HDX: variants seen among roughly 807,000 people sequenced by gnomAD.
HDX encodes the protein chromosome X open reading frame 43.
A neutral mutation model predicts 45.2 loss-of-function variants in HDX; 19 were observed. The observed-to-expected ratio is 0.42, with a 90% CI of 0.29 to 0.62. The LOEUF (loss-of-function observed/expected upper bound fraction) is 0.62. HDX is among the 20% of genes least tolerant of loss of function. The probability of loss-of-function intolerance (pLI) is 0.20; values close to 1 mark genes in which losing one functional copy is unlikely to be tolerated. For synonymous variants in HDX, 188 were observed against 172.8 expected, an observed-to-expected ratio of 1.09 and a Z score of -0.69; for missense variants, 532 against 493.9, an observed-to-expected ratio of 1.08 and a Z score of -0.73.
intron 5 of HDX, among the ~76,000 whole-genome samples, chrX:84,423,342 C>T (rs1195186117): frequency 9.1e-6 from 1 of 110,328 alleles, no homozygotes; most frequent in Non-Finnish European, 1.9e-5. Flanking sequence ...CTAATGGCTT[C>T]AACACTGAAT....
At chrX:84,415,393 C>T (rs1401058054) in intron 5 of HDX, among the ~76,000 whole-genome samples, 1 of 111,753 alleles carries the variant, frequency 8.9e-6, no homozygotes. Context: ...GCCCTTCATT[C>T]TGGCATTTGT....
At chrX:84,431,194 T>C (rs750412200) in intron 5 of HDX, among the ~76,000 whole-genome samples, 1 of 110,733 alleles carries the variant, frequency 9.0e-6, no homozygotes, top group Non-Finnish European at 1.9e-5. Context: ...TTTTTTTTTA[T>C]GGCCACGTAG....
At chrX:84,358,367 T>A (rs1207751992) in intron 6 of HDX, among the ~76,000 whole-genome samples, 1 of 111,284 alleles carries the variant, frequency 9.0e-6, no homozygotes, top group African/African-American at 3.3e-5. Flanking sequence ...TTAAAAAAAA[T>A]AAAAATGACA....
rs146043472 is a variant in HDX, at chrX:84,385,196, CTTTTTTTTTTTTTTTTT to C, written c.1306-23601_1306-23585del. ...CATATATTTGTGTCATCTCTGATTT[CTTTTTTTTTTTTTTTTT>C]TTTTTTTTTTTTTTTTTTGAGACGG... On this transcript the variant is annotated intron_variant, in intron 5 of 10. Transcript: ENST00000373177. Among the ~76,000 whole-genome samples the C allele has an allele frequency of 4.7e-4, 14 of 29,536 alleles. No individual in the cohort carries two copies. In the Admixed American group the frequency reaches 7.3e-3, roughly 15 times the overall value. 25.6% of individuals were successfully genotyped at this position (29,536 alleles called of 115,157 possible).
chrX:84,390,083 C>T (rs1310170410), intron 5 of HDX, among the ~76,000 whole-genome samples: 1 of 110,339 alleles, frequency 9.1e-6, no homozygotes, highest in African/African-American at 3.3e-5. Context: ...TCATATATTT[C>T]TCTCCAAAGA....
chrX:84,339,802 G>C (rs1313013631), intron 7 of HDX, among the ~76,000 whole-genome samples: 2 of 111,431 alleles, frequency 1.8e-5, no homozygotes, highest in Non-Finnish European at 3.8e-5. Flanking sequence ...GCTGAAAAAA[G>C]AGGCTGTGAT....
chrX:84,466,657 A>G (rs1292084106), intron 4 of HDX, among the ~76,000 whole-genome samples: 1 of 112,437 alleles, frequency 8.9e-6, no homozygotes, highest in East Asian at 2.8e-4. Context: ...AGGTTAAATT[A>G]TCCTTTAGGG....
intron 5 of HDX, among the ~76,000 whole-genome samples, chrX:84,376,932 A>C (rs938387283): frequency 2.7e-5 from 3 of 111,728 alleles, no homozygotes; most frequent in Non-Finnish European, 5.6e-5. Context: ...TGGTTACAGC[A>C]GACCTTGGGA....
At chrX:84,496,397 G>T (rs1024986852) in intron 1 of HDX, among the ~76,000 whole-genome samples, 13 of 110,296 alleles carry the variant, frequency 1.2e-4, no homozygotes, top group African/African-American at 4.3e-4. Flanking sequence ...TAACTGGGAG[G>T]TCTTGTTAAA....
intron 5 of HDX, among the ~76,000 whole-genome samples, chrX:84,413,388 C>T (rs1347927561): frequency 2.7e-5 from 3 of 111,666 alleles, no homozygotes. Flanking sequence ...AGTGGACTGG[C>T]TTTCACTTTG....
chrX:84,465,657 C>G (rs1235410604), intron 4 of HDX, among the ~76,000 whole-genome samples: 1 of 111,614 alleles, frequency 9.0e-6, no homozygotes, highest in Non-Finnish European at 1.9e-5. Context: ...ACATCACACA[C>G]TGGGGCCCGT....
chrX:84,462,358 C>A (rs993330131), intron 4 of HDX, among the ~76,000 whole-genome samples: 1 of 111,808 alleles, frequency 8.9e-6, no homozygotes, highest in African/African-American at 3.2e-5. Context: ...GAGATCCTGT[C>A]ATTTGACACA....
intron 2 of HDX, among the ~76,000 whole-genome samples, chrX:84,486,338 C>A (rs2040789209): frequency 9.0e-6 from 1 of 111,224 alleles, no homozygotes; most frequent in Admixed American, 9.6e-5. Context: ...GTATTAAAAA[C>A]CCTGATAGAC....
rs762114610 is a variant in HDX at position 84,428,360 on chromosome X, TGTAA to T, written c.1305+12168_1305+12171del. 9.9e-5 allele frequency among the ~76,000 whole-genome samples: 11 copies of T among 111,206 alleles called. No individual in the cohort carries two copies. The East Asian group carries it at 2.8e-3, about 28-fold the overall frequency. On this transcript the variant is annotated intron_variant, in intron 5 of 10. Coordinates refer to ENST00000373177, the MANE Select transcript of HDX (RefSeq NM_001177479.2). Reference sequence around the variant, plus strand: ...TTTATTGAGTTGTGCAAACATCACATGTAAGTATTAGAACATTTTAATTTCCCCA... The same window carrying T: ...TTTATTGAGTTGTGCAAACATCACATGTATTAGAACATTTTAATTTCCCCA...
In HDX at chrX:84,355,725, G is replaced by A. The variant is rs1162624901; in HGVS notation, c.1452+5741C>T. On this transcript the variant is annotated intron_variant, in intron 6 of 10. Transcript: ENST00000373177. ...GGCCTGTCGTGGGGTGGGAGGAGGG[G>A]GGAGGGATAGCATTAGGAGATATAC... Among the ~76,000 whole-genome samples, 6 of 109,602 alleles carry A rather than the reference G, an allele frequency of 5.5e-5. No individual in the cohort carries two copies. In the Admixed American group the frequency reaches 5.9e-4, roughly 11 times the overall value.
intron 9 of HDX, among the ~76,000 whole-genome samples, chrX:84,327,982 T>G (rs1177118272): frequency 1.9e-5 from 2 of 106,344 alleles, no homozygotes; most frequent in African/African-American, 3.3e-5. Flanking sequence ...CATGGCTAAT[T>G]ATTTTTTAAC....
intron 2 of HDX, among the ~76,000 whole-genome samples, chrX:84,479,135 T>C (rs963189134): frequency 4.5e-5 from 5 of 111,677 alleles, no homozygotes; most frequent in Non-Finnish European, 9.4e-5. Context: ...TTTTATGAGT[T>C]AAGAGAAATG....
At chrX:84,402,474 G>A (rs890232990) in intron 5 of HDX, among the ~76,000 whole-genome samples, 2 of 111,445 alleles carry the variant, frequency 1.8e-5, no homozygotes, top group Non-Finnish European at 3.8e-5. Flanking sequence ...TCTATTTACC[G>A]TTTCTATAGT....
intron 4 of HDX, among the ~76,000 whole-genome samples, chrX:84,452,362 T>C (rs955351923): frequency 9.1e-6 from 1 of 110,417 alleles, no homozygotes; most frequent in Non-Finnish European, 1.9e-5. Context: ...AATAATCCAA[T>C]AATAAATTAG....
Sources: gnomAD v4.1 joint callset for allele counts (sites outside exome capture counted in the v4.1 genomes callset) on GRCh38, gnomAD v4.1.1 for gene constraint, MANE v1.5 for transcripts, NCBI Gene and HGNC (gene_info 2026-07-23, HGNC 2026-07-21) for gene names.